Variants in SPECC1L observed in about 807,000 individuals in gnomAD.
The protein encoded by SPECC1L is sperm antigen with calponin homology and coiled-coil domains 1 like.
SPECC1L carries 40 observed loss-of-function variants against 116.8 expected under a neutral mutation model. The ratio of observed to expected loss-of-function variants is 0.34; its 90% CI spans 0.27 to 0.45. The LOEUF (loss-of-function observed/expected upper bound fraction) is 0.45, where lower values mean the gene tolerates loss of function less well. Ranked by LOEUF, SPECC1L falls within the 20% of genes least tolerant of loss-of-function variation. The probability of loss-of-function intolerance (pLI) is 1.00; values close to 1 mark genes in which losing one functional copy is unlikely to be tolerated. For synonymous variants in SPECC1L, 504 were observed against 500.6 expected (o/e 1.01, Z -0.09); for missense variants, 1,110 against 1,373.6 (o/e 0.81, Z 3.03).
At chr22:24,328,816 T>C in intron 6 of SPECC1L, 30 bp from the exon 7 acceptor site, 6 of 1,530,756 alleles carry the variant, frequency 3.9e-6, no homozygotes, top group Admixed American at 1.7e-5. Context: ...GTTGTGAGAA[T>C]AGATATTTAA....
intron 14 of SPECC1L, among the ~76,000 whole-genome samples, chr22:24,397,565 C>T (rs537241410): frequency 6.6e-6 from 1 of 152,298 alleles, no homozygotes; most frequent in African/African-American, 2.4e-5. Context: ...AATAATGATG[C>T]ATTCAGAAAG....
At chr22:24,403,452 G>A (rs942955553) in intron 14 of SPECC1L, among the ~76,000 whole-genome samples, 3 of 152,144 alleles carry the variant, frequency 2.0e-5, no homozygotes, top group African/African-American at 7.2e-5. Flanking sequence ...CCTGTGAATA[G>A]TGAACAATAG....
chr22:24,310,026 T>C (rs775269307), intron 3 of SPECC1L, among the ~76,000 whole-genome samples: 5 of 152,244 alleles, frequency 3.3e-5, no homozygotes, highest in Non-Finnish European at 5.9e-5. Flanking sequence ...ATTTAGTTTT[T>C]GTTTATTCTT....
intron 8 of SPECC1L, 122 bp downstream of exon 8, chr22:24,330,553 G>A (rs2040917338): frequency 1.9e-6 from 2 of 1,077,562 alleles, no homozygotes; most frequent in Non-Finnish European, 2.8e-6. Flanking sequence ...GGATCTGATG[G>A]AAGTTACTCA....
intron 4 of SPECC1L, among the ~76,000 whole-genome samples, chr22:24,316,746 C>T (rs1378532310): frequency 6.7e-6 from 1 of 149,798 alleles, no homozygotes; most frequent in Non-Finnish European, 1.5e-5. Flanking sequence ...CTTTCTATTC[C>T]ACAAAACCAC....
chr22:24,317,096 C>T (rs1203872810), intron 4 of SPECC1L, among the ~76,000 whole-genome samples: 2 of 118,056 alleles, frequency 1.7e-5, no homozygotes, highest in African/African-American at 6.0e-5. Context: ...CTGACCCCCC[C>T]ACCTCCCTCC....
chr22:24,310,505 T>G (rs1048075082), intron 3 of SPECC1L, among the ~76,000 whole-genome samples: 1 of 152,222 alleles, frequency 6.6e-6, no homozygotes, highest in Non-Finnish European at 1.5e-5. Context: ...TTTCCCCATA[T>G]TCTTTCCAAA....
At chr22:24,380,290 C>T (rs2042041806) in intron 14 of SPECC1L, among the ~76,000 whole-genome samples, 1 of 152,206 alleles carries the variant, frequency 6.6e-6, no homozygotes, top group Admixed American at 6.5e-5. Context: ...TGATCATGCC[C>T]ATCCTTTGGA....
chr22:24,409,728 C>A (rs1345489258), intron 14 of SPECC1L, among the ~76,000 whole-genome samples: 8 of 152,142 alleles, frequency 5.3e-5, no homozygotes, highest in Non-Finnish European at 1.2e-4. Context: ...GAATAAGGTG[C>A]CCCTTAAAAG....
At chr22:24,314,501 A>G (rs1263879572) in intron 4 of SPECC1L, among the ~76,000 whole-genome samples, 1 of 152,130 alleles carries the variant, frequency 6.6e-6, no homozygotes, top group East Asian at 1.9e-4. Context: ...CTATTTTTAT[A>G]TTTGGATCAG....
chr22:24,278,751 G>T (rs967809537), intron 2 of SPECC1L, among the ~76,000 whole-genome samples: 13 of 152,296 alleles, frequency 8.5e-5, no homozygotes, highest in African/African-American at 3.1e-4. Flanking sequence ...TACTAAAGAT[G>T]AAATTACTCT....
At chr22:24,286,354 T>C (rs1266193137) in intron 2 of SPECC1L, among the ~76,000 whole-genome samples, 3 of 152,232 alleles carry the variant, frequency 2.0e-5, no homozygotes, top group African/African-American at 7.2e-5. Flanking sequence ...TATTCTGTTT[T>C]TTTAGTACCT....
chr22:24,394,150 G>T (rs538424419), intron 14 of SPECC1L, among the ~76,000 whole-genome samples: 1 of 152,238 alleles, frequency 6.6e-6, no homozygotes, highest in East Asian at 1.9e-4. Flanking sequence ...GAACGTTCAC[G>T]TGCAGGTGTT....
Position 24,412,671 on chromosome 22 carries a change from C to T in SPECC1L, c.3228C>T (p.Phe1076=). 6.2e-7 allele frequency: 1 copy of T among 1,614,162 alleles called. No homozygotes were observed. Among genetic ancestry groups the T allele is most frequent in the Non-Finnish European group, 8.5e-7 (1 of 1,180,038 alleles). ...AGAGAAGGAACTTCATGCTGGCTTT[C>T]CAGGCAGCTGAAAGTGTCGGCATCA... ...QDKRRNFMLA[F]QAAESVGIKS... is the part of the protein sequence containing the mutation. Residue 1076 remains phenylalanine (F), a synonymous_variant, in exon 16 of 17, where the codon TTC becomes TTT. Transcript: ENST00000314328.
chr22:24,389,109 A>ATT (rs763818960), intron 14 of SPECC1L, among the ~76,000 whole-genome samples: 4,234 of 99,792 alleles, frequency 0.042, 232 homozygotes, highest in African/African-American at 0.13. Context: ...TCTATAACTG[A>ATT]TTTTTTTTTT....
At chr22:24,304,590 A>G (rs980344237) in intron 3 of SPECC1L, 1 of 152,222 alleles carries the variant, frequency 6.6e-6, no homozygotes, top group African/African-American at 2.4e-5. Flanking sequence ...CTGCATGCCT[A>G]CGCTTTGCAG....
chr22:24,292,215 C>G (rs990969986), intron 2 of SPECC1L, among the ~76,000 whole-genome samples: 1 of 152,188 alleles, frequency 6.6e-6, no homozygotes, highest in Non-Finnish European at 1.5e-5. Flanking sequence ...GTGGATCCTT[C>G]TGGATGCAGT....
At chr22:24,298,760 A>G (rs2049317649) in intron 2 of SPECC1L, among the ~76,000 whole-genome samples, 2 of 152,246 alleles carry the variant, frequency 1.3e-5, no homozygotes, top group South Asian at 4.1e-4. Context: ...TCAGGTCTAC[A>G]GTTGATGAGA....
rs199964360 is a variant in SPECC1L at position 24,330,362 on chromosome 22, G to A, written c.2327G>A (p.Arg776His). 5.8e-5 allele frequency: 93 copies of A among 1,614,108 alleles called. No individual in the cohort carries two copies. In the South Asian group the frequency reaches 9.6e-4, roughly 17 times the overall value. Residue 776 changes from arginine to histidine, a missense_variant, in exon 8 of 17, where the codon CGC becomes CAC. Arg to His is a conservative substitution (Grantham distance 29, BLOSUM62 0). Transcript: ENST00000314328. ...EAQEEIGDLK[R>H]RLHEAQEKNE... is the part of the protein sequence containing the mutation. ...CAAGAGGAGATTGGTGATCTAAAGC[G>A]CCGGTTACATGAGGCTCAAGAAAAA...
Sources: allele counts gnomAD v4.1 joint callset (sites outside exome capture counted in the v4.1 genomes callset), GRCh38; gene constraint gnomAD v4.1.1; transcripts MANE v1.5; gene names NCBI Gene and HGNC (gene_info 2026-07-23, HGNC 2026-07-21).